ATXN10: variants seen among roughly 807,000 people sequenced by gnomAD.
The protein encoded by ATXN10 is ataxin 10.
Under a neutral mutation model 52.9 loss-of-function variants are expected in ATXN10, and 28 were observed. That is an observed-to-expected ratio of 0.53 (90% CI 0.39 to 0.73). The LOEUF (loss-of-function observed/expected upper bound fraction) is 0.73, where lower values mean the gene tolerates loss of function less well. Among genes scored for constraint, ATXN10 ranks in the 30% least tolerant of loss-of-function variants. The probability of loss-of-function intolerance (pLI) is 0.00; values close to 1 mark genes in which losing one functional copy is unlikely to be tolerated. For synonymous variants in ATXN10, 226 were observed against 221.5 expected, an observed-to-expected ratio of 1.02 and a Z score of -0.18; for missense variants, 565 against 577.0, an observed-to-expected ratio of 0.98 and a Z score of 0.21.
Position 45,833,582 on chromosome 22 carries a change from C to A in ATXN10, c.1238-9409C>A, listed in dbSNP as rs755254383. Among the ~76,000 whole-genome samples, 7 of 152,104 alleles carry A rather than the reference C, an allele frequency of 4.6e-5. No homozygotes were observed. The highest frequency in any genetic ancestry group is 8.8e-5 in the Non-Finnish European group (6 of 68,010). On this transcript the variant is annotated intron_variant, in intron 10 of 11. Coordinates refer to ENST00000252934, the MANE Select transcript of ATXN10 (RefSeq NM_013236.4). This position sits in a 1 kb window ranked among gnomAD's most constrained non-coding sequence, Gnocchi z 4.3. ...AACTTAGGTGGGTTTACTTTTTCTG[C>A]TCCAAATTTTTATTTCACTTTGAAT... is the stretch of plus-strand genomic sequence containing the variant.
intron 10 of ATXN10, among the ~76,000 whole-genome samples, chr22:45,839,990 G>A (rs1229359943): frequency 1.3e-5 from 2 of 152,236 alleles, no homozygotes; most frequent in Non-Finnish European, 2.9e-5. Context: ...CACCACGCTA[G>A]GGACAGAGCA....
intron 9 of ATXN10, among the ~76,000 whole-genome samples, chr22:45,799,991 C>G (rs1056485588): frequency 6.6e-6 from 1 of 151,902 alleles, no homozygotes; most frequent in Non-Finnish European, 1.5e-5. Context: ...TTATACCAAA[C>G]AAAAATTGAT....
intron 1 of ATXN10, among the ~76,000 whole-genome samples, chr22:45,689,038 A>C (rs963875705): frequency 4.6e-5 from 7 of 152,268 alleles, no homozygotes; most frequent in African/African-American, 1.7e-4. Flanking sequence ...CTCCCTGGGC[A>C]TACATTCTTG....
At chr22:45,827,454 AGAG>A in intron 10 of ATXN10, among the ~76,000 whole-genome samples, 1 of 152,224 alleles carries the variant, frequency 6.6e-6, no homozygotes, top group Non-Finnish European at 1.5e-5. Context: ...GTTGAAAATA[AGAG>A]GATAGAAAAA....
chr22:45,695,690 T>C (rs993304208), intron 3 of ATXN10, among the ~76,000 whole-genome samples: 1 of 151,904 alleles, frequency 6.6e-6, no homozygotes, highest in Non-Finnish European at 1.5e-5. Context: ...AGAGATGGGG[T>C]TTCACCTTGG....
chr22:45,723,501 T>C (rs1425945098), intron 6 of ATXN10, among the ~76,000 whole-genome samples: 1 of 152,172 alleles, frequency 6.6e-6, no homozygotes. Flanking sequence ...ATACCTGATA[T>C]GTAGTTTTTA....
At chr22:45,729,855 C>T in intron 7 of ATXN10, 1 of 464,212 alleles carries the variant, frequency 2.2e-6, no homozygotes, top group South Asian at 2.0e-5. Flanking sequence ...TAGACATGTG[C>T]ACATATGTAT....
chr22:45,725,589 A>G (rs931805580), intron 6 of ATXN10, among the ~76,000 whole-genome samples: 2 of 152,152 alleles, frequency 1.3e-5, no homozygotes, highest in Admixed American at 6.5e-5. Flanking sequence ...TTTTCTAGGT[A>G]TATGATCGTA....
rs567565781 is a variant in ATXN10, at chr22:45,774,196, G to C, written c.1174-32763G>C. ...GGCCCTGCCTTAGTAGGCATGGTGG[G>C]GCACCTGCCTCCTACTTGGCATTTC... On this transcript the variant is annotated intron_variant, in intron 9 of 11. Transcript: ENST00000252934. This position sits in a 1 kb window ranked among gnomAD's most constrained non-coding sequence, Gnocchi z 6.2. Among the ~76,000 whole-genome samples, 1 of 152,210 alleles carries C rather than the reference G, an allele frequency of 6.6e-6. No homozygotes were observed. Among genetic ancestry groups the C allele is most frequent in the African/African-American group, 2.4e-5 (1 of 41,456 alleles).
At chr22:45,836,810 G>T (rs1204770719) in intron 10 of ATXN10, among the ~76,000 whole-genome samples, 1 of 152,204 alleles carries the variant, frequency 6.6e-6, no homozygotes, top group Non-Finnish European at 1.5e-5. Context: ...TTTTACCATG[G>T]TCCGAGAAGA....
chr22:45,700,203 G>T (rs1001236344), intron 3 of ATXN10, 79 bp from the exon 4 acceptor site: 5 of 1,029,578 alleles, frequency 4.9e-6, no homozygotes, highest in Non-Finnish European at 7.2e-6. Flanking sequence ...TTAATAACAT[G>T]GAGAATATTT....
At chr22:45,699,658 A>C (rs1923762915) in intron 3 of ATXN10, among the ~76,000 whole-genome samples, 1 of 151,032 alleles carries the variant, frequency 6.6e-6, no homozygotes, top group Admixed American at 6.6e-5. Flanking sequence ...CGCCTGGCTA[A>C]TTTTTGTGTT....
chr22:45,713,488 A>T (rs926961568), intron 5 of ATXN10, among the ~76,000 whole-genome samples: 3 of 152,178 alleles, frequency 2.0e-5, no homozygotes, highest in African/African-American at 7.2e-5. Flanking sequence ...GCGAACTTAC[A>T]GAGTTCTCCT....
In ATXN10 at chr22:45,824,468, G is replaced by A. The variant is rs1250780236; in HGVS notation, c.1237+17446G>A. On this transcript the variant is annotated intron_variant, in intron 10 of 11. Coordinates refer to ENST00000252934, the MANE Select transcript of ATXN10 (RefSeq NM_013236.4). This position sits in a 1 kb window ranked among gnomAD's most constrained non-coding sequence, Gnocchi z 5.2. ...CCTCAAGGCACTAAATTGATATTTAGAGTAAACATAGGCACCATCTCTGCT... is the reference window on the plus strand; with the variant it reads ...CCTCAAGGCACTAAATTGATATTTAAAGTAAACATAGGCACCATCTCTGCT... 6.6e-6 allele frequency among the ~76,000 whole-genome samples: 1 copy of A among 152,070 alleles called. No homozygotes were observed. Among genetic ancestry groups the A allele is most frequent in the Admixed American group, 6.5e-5 (1 of 15,272 alleles).
chr22:45,740,356 CTT>C lies in ATXN10; in HGVS notation c.1004-10_1004-9del. 1 of 1,613,756 alleles carries C rather than the reference CTT, an allele frequency of 6.2e-7. No homozygotes were observed. Among genetic ancestry groups the C allele is most frequent in the Non-Finnish European group, 8.5e-7 (1 of 1,179,776 alleles). ...TTTTCTGTGGAAAATGAAGTTTACTCTTTTGGTTATAGATCTTTTGCGGGTGA... is the reference window on the plus strand; with the variant it reads ...TTTTCTGTGGAAAATGAAGTTTACTCTTGGTTATAGATCTTTTGCGGGTGA... On this transcript the variant is annotated splice_polypyrimidine_tract_variant and intron_variant, in intron 8 of 11. Coordinates refer to ENST00000252934, the MANE Select transcript of ATXN10 (RefSeq NM_013236.4).
At position 45,844,579 on chromosome 22, in the gene ATXN10, G is replaced by C. The variant is rs941638902; in HGVS notation, c.*908G>C. On this transcript the variant is annotated 3_prime_UTR_variant, in exon 12 of 12. Coordinates refer to ENST00000252934, the MANE Select transcript of ATXN10 (RefSeq NM_013236.4). ...TTATTTGACATCTAGTTATCTGTCTGTCTGTTCATCTATCTATCTGTCTGC... is the reference window on the plus strand; with the variant it reads ...TTATTTGACATCTAGTTATCTGTCTCTCTGTTCATCTATCTATCTGTCTGC... 1 of 152,190 alleles carries C rather than the reference G, an allele frequency of 6.6e-6. No homozygotes were observed. Among genetic ancestry groups the C allele is most frequent in the Admixed American group, 6.5e-5 (1 of 15,282 alleles). 9.4% of individuals were successfully genotyped at this position (152,190 alleles called of 1,614,324 possible).
Position 45,707,378 on chromosome 22 carries a change from A to G in ATXN10, c.647+4531A>G, listed in dbSNP as rs552812656. ...TTTCTGAATATTCATTTGTATTTCA[A>G]TTAAGATTTACAAACAAACAGAAGT... is the stretch of plus-strand genomic sequence containing the variant. On this transcript the variant is annotated intron_variant, in intron 5 of 11. Coordinates refer to ENST00000252934, the MANE Select transcript of ATXN10 (RefSeq NM_013236.4). Among the ~76,000 whole-genome samples, 71 of 152,224 alleles carry G rather than the reference A, an allele frequency of 4.7e-4. 2 individuals are homozygous for G. The South Asian group carries it at 0.012, about 25-fold the overall frequency.
Position 45,819,392 on chromosome 22 carries a change from A to G in ATXN10, c.1237+12370A>G, listed in dbSNP as rs1480679206. On this transcript the variant is annotated intron_variant, in intron 10 of 11. Coordinates refer to ENST00000252934, the MANE Select transcript of ATXN10 (RefSeq NM_013236.4). This position sits in a 1 kb window ranked among gnomAD's most constrained non-coding sequence, Gnocchi z 4.5. ...TCCTTCAAATGCTGCCTCTGTGGGT[A>G]GGAAGCACACTCTGATTCCACTGAG... is the stretch of plus-strand genomic sequence containing the variant. Among the ~76,000 whole-genome samples, 1 of 152,216 alleles carries G rather than the reference A, an allele frequency of 6.6e-6. No homozygotes were observed. The highest frequency in any genetic ancestry group is 1.5e-5 in the Non-Finnish European group (1 of 68,034).
At chr22:45,788,589 A>T (rs201696941) in intron 9 of ATXN10, among the ~76,000 whole-genome samples, 6 of 150,780 alleles carry the variant, frequency 4.0e-5, no homozygotes, top group Middle Eastern at 3.2e-3. Flanking sequence ...CAAATCTAAA[A>T]TTTTTTTCCT....
Sources: allele counts gnomAD v4.1 joint callset (sites outside exome capture counted in the v4.1 genomes callset), GRCh38; gene constraint gnomAD v4.1.1; non-coding constraint Gnocchi (gnomAD v3.1); transcripts MANE v1.5; gene names NCBI Gene and HGNC (gene_info 2026-07-23, HGNC 2026-07-21).